Variants in EMX2 observed in about 807,000 individuals in gnomAD.
EMX2 encodes the protein homeobox protein EMX2.
Under a neutral mutation model 23.0 loss-of-function variants are expected in EMX2, and 6 were observed. The observed-to-expected ratio is 0.26, with a 90% CI of 0.14 to 0.52. EMX2 has a LOEUF of 0.52. Among genes scored for constraint, EMX2 ranks in the 20% least tolerant of loss-of-function variants. EMX2 has a pLI of 0.97. For missense variants in EMX2, 302 were observed against 341.4 expected (o/e 0.88, Z 0.91); for synonymous variants, 175 against 153.3 (o/e 1.14, Z -1.04).
chr10:117,543,718 T>C, intron 1 of EMX2, 45 bp downstream of exon 1: 1 of 1,613,038 alleles, frequency 6.2e-7, no homozygotes, highest in Admixed American at 1.7e-5. Flanking sequence ...TCCCGCCGCA[T>C]CCTTCACTGC....
At chr10:117,547,272 G>T (rs979762744) in intron 2 of EMX2, among the ~76,000 whole-genome samples, 1 of 152,194 alleles carries the variant, frequency 6.6e-6, no homozygotes, top group African/African-American at 2.4e-5. Context: ...AGCCTGTTCC[G>T]GGGCTGTTTA....
intron 2 of EMX2, 28 bp downstream of exon 2, chr10:117,545,844 C>G (rs1362897710): frequency 1.2e-6 from 2 of 1,613,392 alleles, no homozygotes; most frequent in Non-Finnish European, 8.5e-7. Context: ...GCGAGGAACC[C>G]ATCTAGGCGT....
intron 1 of EMX2, among the ~76,000 whole-genome samples, chr10:117,544,001 G>T (rs1457762302): frequency 6.6e-6 from 1 of 152,206 alleles, no homozygotes; most frequent in East Asian, 1.9e-4. Flanking sequence ...GAGCCCGCGG[G>T]ATCCCCAGGC....
Position 117,543,171 on chromosome 10 carries a change from AT to A in EMX2, c.-95del. ...CCCACCCCAAACAAACGAGTCCCCA[AT>A]TCTCGTCCGTCCTCGCCGCGGGCAG... On this transcript the variant is annotated 5_prime_UTR_variant, in exon 1 of 3. Coordinates refer to ENST00000553456, the MANE Select transcript of EMX2 (RefSeq NM_004098.4). 6.8e-6 allele frequency: 4 copies of A among 584,656 alleles called. No homozygotes were observed. Among genetic ancestry groups the A allele is most frequent in the Non-Finnish European group, 8.7e-6 (4 of 460,400 alleles). The allele number at this position is 584,656 out of a possible 1,614,324, so 36.2% of individuals were successfully genotyped here. A position where few individuals can be genotyped will look rare whatever the true frequency, so the allele number is the denominator to read the frequency against.
rs1245890884 is a variant in EMX2, at chr10:117,543,285, C to A, written c.18C>A (p.Pro6=). 1.3e-6 allele frequency: 2 copies of A among 1,548,812 alleles called. No individual in the cohort carries two copies. Among genetic ancestry groups the A allele is most frequent in the Non-Finnish European group, 1.7e-6 (2 of 1,146,302 alleles). Residue 6 remains proline (P), a synonymous_variant, in exon 1 of 3, where the codon CCC becomes CCA. Transcript: ENST00000553456. ...GGCGCAGCATGTTCCAGCCGGCGCC[C>A]AAGCGCTGCTTCACCATCGAGTCGC... is the stretch of plus-strand genomic sequence containing the variant. MFQPA[P]KRCFTIESLV...
At chr10:117,543,782 G>A in intron 1 of EMX2, 109 bp downstream of exon 1, 1 of 1,552,880 alleles carries the variant, frequency 6.4e-7, no homozygotes, top group South Asian at 1.1e-5. Flanking sequence ...GGTTCCTCCG[G>A]CTCGCGGGCC....
chr10:117,547,028 G>A (rs1205999133), intron 2 of EMX2, among the ~76,000 whole-genome samples: 3 of 152,204 alleles, frequency 2.0e-5, no homozygotes, highest in Admixed American at 6.5e-5. Context: ...TATCAGAGGT[G>A]CAGTCACTGC....
At chr10:117,543,715 G>A (rs755802506) in intron 1 of EMX2, 42 bp downstream of exon 1, 1 of 1,612,918 alleles carries the variant, frequency 6.2e-7, no homozygotes, top group Admixed American at 1.7e-5. Context: ...CGCTCCCGCC[G>A]CATCCTTCAC....
chr10:117,547,560 C>T (rs972484247), intron 2 of EMX2, among the ~76,000 whole-genome samples: 9 of 152,156 alleles, frequency 5.9e-5, no homozygotes, highest in African/African-American at 2.2e-4. Flanking sequence ...GAAGAGGAGA[C>T]GCTATATTTA....
rs1846611976 is a variant in EMX2, at chr10:117,548,481, A to T, written c.*249A>T. On this transcript the variant is annotated 3_prime_UTR_variant, in exon 3 of 3. Transcript: ENST00000553456. Reference sequence around the variant, plus strand: ...TTCATCAACAAGCGACCCTCGTCTAAAGAGGCAGCTGAGTGAGAGACACAG... The same window carrying T: ...TTCATCAACAAGCGACCCTCGTCTATAGAGGCAGCTGAGTGAGAGACACAG... The T allele has an allele frequency of 1.6e-6, 1 of 608,498 alleles. No homozygotes were observed. The highest frequency in any genetic ancestry group is 3.1e-5 in the Admixed American group (1 of 32,584). 37.7% of individuals were successfully genotyped at this position (608,498 alleles called of 1,614,324 possible). A position where few individuals can be genotyped will look rare whatever the true frequency, so the allele number is the denominator to read the frequency against.
chr10:117,546,860 T>C (rs1846585819), intron 2 of EMX2, among the ~76,000 whole-genome samples: 1 of 152,268 alleles, frequency 6.6e-6, no homozygotes, highest in Non-Finnish European at 1.5e-5. Flanking sequence ...TCAGCTTTTT[T>C]CATGGAGCAC....
Position 117,548,724 on chromosome 10 carries a change from T to A in EMX2, c.*492T>A, listed in dbSNP as rs1173039810. The A allele has an allele frequency of 7.3e-6, 3 of 410,088 alleles. No individual in the cohort carries two copies. Among genetic ancestry groups the A allele is most frequent in the African/African-American group, 2.1e-5 (1 of 48,670 alleles). 25.4% of individuals were successfully genotyped at this position (410,088 alleles called of 1,614,324 possible). A position where few individuals can be genotyped will look rare whatever the true frequency, so the allele number is the denominator to read the frequency against. On this transcript the variant is annotated 3_prime_UTR_variant, in exon 3 of 3. Coordinates refer to ENST00000553456, the MANE Select transcript of EMX2 (RefSeq NM_004098.4). ...GACCCAACCAGGCACAGGACTTTTT[T>A]GTTTTTTGCACTTCGCTGTGTTTCC... is the stretch of plus-strand genomic sequence containing the variant.
rs757197181 is a variant in EMX2 at position 117,549,219 on chromosome 10, G to A, written c.*987G>A. On this transcript the variant is annotated 3_prime_UTR_variant, in exon 3 of 3. Coordinates refer to ENST00000553456, the MANE Select transcript of EMX2 (RefSeq NM_004098.4). Reference sequence around the variant, plus strand: ...ATGCAAACTTCTCCTTTCAGTGGTTGGAGAAATTGGCCGAGTTCAACCATT... The same window carrying A: ...ATGCAAACTTCTCCTTTCAGTGGTTAGAGAAATTGGCCGAGTTCAACCATT... 1 of 152,624 alleles carries A rather than the reference G, an allele frequency of 6.6e-6. No homozygotes were observed. Among genetic ancestry groups the A allele is most frequent in the African/African-American group, 2.4e-5 (1 of 41,438 alleles). 9.5% of individuals were successfully genotyped at this position (152,624 alleles called of 1,614,324 possible). A position where few individuals can be genotyped will look rare whatever the true frequency, so the allele number is the denominator to read the frequency against.
At chr10:117,547,493 C>T (rs1379944877) in intron 2 of EMX2, among the ~76,000 whole-genome samples, 1 of 152,184 alleles carries the variant, frequency 6.6e-6, no homozygotes, top group East Asian at 1.9e-4. Flanking sequence ...TGAGAGTCCC[C>T]CGCACGGAGG....
At position 117,548,165 on chromosome 10, in the gene EMX2, T is replaced by C; in HGVS notation, c.692T>C (p.Ile231Thr). 6.2e-7 allele frequency: 1 copy of C among 1,613,214 alleles called. No homozygotes were observed. The highest frequency in any genetic ancestry group is 8.5e-7 in the Non-Finnish European group (1 of 1,179,822). The change falls in exon 3 of 3, where the codon ATT becomes ACT. Residue 231 changes from isoleucine to threonine, a missense_variant. Transcript: ENST00000553456. The part of the protein sequence containing the change: ...SQQKKKGTHH[I>T]NRWRIATKQA... Reference sequence around the variant, plus strand: ...CAAAAGAAAAAAGGGACGCACCATATTAACCGGTGGAGAATCGCCACCAAG... The same window carrying C: ...CAAAAGAAAAAAGGGACGCACCATACTAACCGGTGGAGAATCGCCACCAAG...
chr10:117,542,923 A>AG lies in EMX2; in HGVS notation c.-345_-344insG, dbSNP rs1846510771. 1 of 145,168 alleles carries AG rather than the reference A, an allele frequency of 6.9e-6. No homozygotes were observed. The highest frequency in any genetic ancestry group is 2.6e-5 in the African/African-American group (1 of 38,120). The allele number at this position is 145,168 out of a possible 1,614,324, so 9.0% of individuals were successfully genotyped here. A position where few individuals can be genotyped will look rare whatever the true frequency, so the allele number is the denominator to read the frequency against. ...CCCACGCCATCTCGCCAAAAAAAAA[A>AG]AAAAAAAAAAAAAAGAAAAAAAAAG... On this transcript the variant is annotated 5_prime_UTR_variant, in exon 1 of 3. Coordinates refer to ENST00000553456, the MANE Select transcript of EMX2 (RefSeq NM_004098.4).
At chr10:117,546,407 G>A (rs994885450) in intron 2 of EMX2, among the ~76,000 whole-genome samples, 4 of 152,228 alleles carry the variant, frequency 2.6e-5, no homozygotes, top group African/African-American at 7.2e-5. Context: ...GTCCCTGGGC[G>A]GGCCTGGCTT....
intron 2 of EMX2, among the ~76,000 whole-genome samples, chr10:117,547,757 C>A (rs778532028): frequency 6.6e-6 from 1 of 152,228 alleles, no homozygotes; most frequent in East Asian, 1.9e-4. Context: ...TTGCTCTCAG[C>A]GGGATATAGA....
chr10:117,545,859 C>T, intron 2 of EMX2, 43 bp downstream of exon 2: 1 of 1,612,622 alleles, frequency 6.2e-7, no homozygotes. Context: ...AGGCGTGCGC[C>T]CCCTCCCCAA....
Sources: gnomAD v4.1 joint callset for allele counts (sites outside exome capture counted in the v4.1 genomes callset) on GRCh38, gnomAD v4.1.1 for gene constraint, MANE v1.5 for transcripts, NCBI Gene and HGNC (gene_info 2026-07-23, HGNC 2026-07-21) for gene names.